The following DENND2C variants were observed in gnomAD, a reference collection of about 807,000 sequenced individuals.
The protein encoded by DENND2C is DENN domain containing 2C, also known as DENN domain-containing protein 2C.
DENND2C carries 72 observed loss-of-function variants against 112.4 expected under a neutral mutation model. The ratio of observed to expected loss-of-function variants is 0.64; its 90% confidence interval spans 0.53 to 0.78. The LOEUF (loss-of-function observed/expected upper bound fraction) is 0.78. DENND2C is among the 30% of genes least tolerant of loss of function. DENND2C has a pLI of 0.00. For synonymous variants in DENND2C, 329 were observed against 381.6 expected, an observed-to-expected ratio of 0.86 and a Z score of 1.61; for missense variants, 992 against 1,113.8, an observed-to-expected ratio of 0.89 and a Z score of 1.56.
intron 17 of DENND2C, 34 bp from the exon 18 acceptor site, chr1:114,594,612 G>A (rs748378985): frequency 1.3e-6 from 2 of 1,567,010 alleles, no homozygotes; most frequent in African/African-American, 2.7e-5. Flanking sequence ...ATTTTTCTTT[G>A]TTTGAGATTT....
intron 8 of DENND2C, among the ~76,000 whole-genome samples, chr1:114,615,871 C>T (rs1655952003): frequency 1.3e-5 from 2 of 151,952 alleles, no homozygotes; most frequent in Admixed American, 1.3e-4. Flanking sequence ...GTCAGAAGAT[C>T]GAGACCATCC....
chr1:114,652,483 A>G (rs1430187362), intron 2 of DENND2C, among the ~76,000 whole-genome samples: 1 of 151,958 alleles, frequency 6.6e-6, no homozygotes, highest in East Asian at 1.9e-4. Context: ...GTTAGGAAGC[A>G]ATCATTTTCT....
chr1:114,590,777 T>TTA (rs1655165915), intron 18 of DENND2C, among the ~76,000 whole-genome samples: 1 of 22,272 alleles, frequency 4.5e-5, no homozygotes, highest in Non-Finnish European at 9.9e-5. Flanking sequence ...AGACTCCGTC[T>TTA]CAAAAAAAAA....
rs1557935424 is a variant in DENND2C at position 114,585,301 on chromosome 1, AACT to A, written c.*296_*298del. 2.8e-6 allele frequency: 1 copy of A among 359,488 alleles called. No homozygotes were observed. Among genetic ancestry groups the A allele is most frequent in the Non-Finnish European group, 5.1e-6 (1 of 196,628 alleles). The allele number at this position is 359,488 out of a possible 1,614,324, so 22.3% of individuals were successfully genotyped here. A position where few individuals can be genotyped will look rare whatever the true frequency, so the allele number is the denominator to read the frequency against. On this transcript the variant is annotated 3_prime_UTR_variant, in exon 21 of 21. Coordinates refer to ENST00000393274, the MANE Select transcript of DENND2C (RefSeq NM_001256404.2). ...AACAAGGCTTTTCCTTGTGAAACAC[AACT>A]ACTTTCACAGACAAAGCACAAAACA...
Position 114,625,687 on chromosome 1 carries a change from G to A in DENND2C, c.298C>T (p.His100Tyr), listed in dbSNP as rs759034331. ...AAGAAGTGTGTATCGTCATATTCATGTTTCTTATTTTCATTCTCACTTTGA... is the reference window on the plus strand; with the variant it reads ...AAGAAGTGTGTATCGTCATATTCATATTTCTTATTTTCATTCTCACTTTGA... The part of the protein sequence containing the change: ...HDQSENENKK[H>Y]EYDDTHFFKN... Residue 100 changes from histidine to tyrosine, a missense_variant, in exon 4 of 21, where the codon CAT becomes TAT. Physicochemically the swap from His to Tyr is moderately conservative, Grantham distance 83. Around this residue, in one of 3 missense-constraint regions of DENND2C, gnomAD observed 470 missense variants for 472.7 expected, o/e 0.99. Transcript: ENST00000393274. The A allele has an allele frequency of 6.2e-7, 1 of 1,613,806 alleles. No homozygotes were observed. Among genetic ancestry groups the A allele is most frequent in the African/African-American group, 1.3e-5 (1 of 74,876 alleles).
rs746136824 is a variant in DENND2C at position 114,625,717 on chromosome 1, G to A, written c.268C>T (p.His90Tyr). ...GLDINENTKSHDQSENENKKH... is the reference protein window; with the variant it reads ...GLDINENTKSYDQSENENKKH... ...TTATTTTCATTCTCACTTTGATCATGGCTTTTGGTATTTTCATTTATATCT... is the reference window on the plus strand; with the variant it reads ...TTATTTTCATTCTCACTTTGATCATAGCTTTTGGTATTTTCATTTATATCT... Residue 90 changes from histidine to tyrosine, a missense_variant, in exon 4 of 21, where the codon CAT (histidine) becomes TAT (tyrosine). Physicochemically the swap from His to Tyr is moderately conservative, Grantham distance 83 (BLOSUM62 2). Around this residue, in one of 3 missense-constraint regions of DENND2C, gnomAD observed 470 missense variants for 472.7 expected, o/e 0.99. Transcript: ENST00000393274. The A allele has an allele frequency of 2.5e-5, 40 of 1,613,954 alleles. No homozygotes were observed. The highest frequency in any genetic ancestry group is 1.7e-4 in the Middle Eastern group (1 of 6,060).
At chr1:114,590,494 C>T (rs937364847) in intron 18 of DENND2C, among the ~76,000 whole-genome samples, 1 of 152,012 alleles carries the variant, frequency 6.6e-6, no homozygotes. Flanking sequence ...AATTATTGAA[C>T]TTGGCCGGGC....
At chr1:114,621,081 G>A (rs1308340202) in intron 7 of DENND2C, among the ~76,000 whole-genome samples, 1 of 152,146 alleles carries the variant, frequency 6.6e-6, no homozygotes, top group East Asian at 1.9e-4. Context: ...AAGTAACAGA[G>A]AAAGTTTAAA....
At chr1:114,588,155 C>T (rs1557936672) in intron 18 of DENND2C, among the ~76,000 whole-genome samples, 1 of 152,100 alleles carries the variant, frequency 6.6e-6, no homozygotes, top group Non-Finnish European at 1.5e-5. Flanking sequence ...CATTTTCTTC[C>T]CATACATACT....
At chr1:114,637,446 A>G (rs897795301) in intron 3 of DENND2C, among the ~76,000 whole-genome samples, 5 of 152,100 alleles carry the variant, frequency 3.3e-5, no homozygotes, top group African/African-American at 1.2e-4. Flanking sequence ...GAAAACCACA[A>G]GCTAATGTGG....
rs769702942 is a variant in DENND2C at position 114,608,671 on chromosome 1, C to T, written c.1557+15G>A. 1.4e-5 allele frequency: 23 copies of T among 1,611,140 alleles called. No individual in the cohort carries two copies. Among genetic ancestry groups the T allele is most frequent in the Non-Finnish European group, 8.5e-6 (10 of 1,178,552 alleles). ...AGGAACATTCCTGAATGCCTCTTGG[C>T]CTCCTTGTGCCTACCTTGCCAGGGA... On this transcript the variant is annotated intron_variant, in intron 10 of 20. Coordinates refer to ENST00000393274, the MANE Select transcript of DENND2C (RefSeq NM_001256404.2).
Position 114,601,600 on chromosome 1 carries a change from C to T in DENND2C, c.1738-15G>A, listed in dbSNP as rs1309253600. ...TTGCCTACTGGCTAAAAGATAAAAACAACAACAACAAAAAAATCAAGCCGC... is the reference window on the plus strand; with the variant it reads ...TTGCCTACTGGCTAAAAGATAAAAATAACAACAACAAAAAAATCAAGCCGC... On this transcript the variant is annotated splice_polypyrimidine_tract_variant and intron_variant, in intron 12 of 20. Transcript: ENST00000393274. 7 of 1,536,542 alleles carry T rather than the reference C, an allele frequency of 4.6e-6. No homozygotes were observed. Among genetic ancestry groups the T allele is most frequent in the Non-Finnish European group, 6.2e-6 (7 of 1,133,730 alleles).
chr1:114,610,798 CA>C (rs1655796005), intron 9 of DENND2C, among the ~76,000 whole-genome samples: 1 of 152,092 alleles, frequency 6.6e-6, no homozygotes, highest in South Asian at 2.1e-4. Flanking sequence ...TCTGGACATG[CA>C]GCTCTCTGCC....
chr1:114,666,465 C>CT (rs924806129), intron 1 of DENND2C, among the ~76,000 whole-genome samples: 12 of 150,808 alleles, frequency 8.0e-5, no homozygotes, highest in African/African-American at 2.4e-4. Context: ...TGAATCATAA[C>CT]TTTTTTTTTT....
At chr1:114,590,813 C>G (rs1048094533) in intron 18 of DENND2C, among the ~76,000 whole-genome samples, 2 of 150,076 alleles carry the variant, frequency 1.3e-5, no homozygotes, top group Non-Finnish European at 3.0e-5. Context: ...GAACTTGTTT[C>G]CTAGTGATCA....
chr1:114,602,231 C>T (rs776331709), intron 11 of DENND2C, 37 bp from the exon 12 acceptor site: 6 of 1,601,594 alleles, frequency 3.7e-6, no homozygotes, highest in East Asian at 4.5e-5. Context: ...AGGATCCAAA[C>T]AATTACTTAT....
chr1:114,607,787 A>T (rs1655697987), intron 10 of DENND2C, among the ~76,000 whole-genome samples: 1 of 152,248 alleles, frequency 6.6e-6, no homozygotes, highest in Non-Finnish European at 1.5e-5. Context: ...CCATTTATTG[A>T]GTACATACTA....
intron 20 of DENND2C, among the ~76,000 whole-genome samples, chr1:114,586,044 C>T (rs902957427): frequency 6.6e-6 from 1 of 152,148 alleles, no homozygotes; most frequent in Non-Finnish European, 1.5e-5. Context: ...CCTAATTTGT[C>T]CATGGTCTGT....
At position 114,662,710 on chromosome 1, in the gene DENND2C, C is replaced by T. The variant is rs540157564; in HGVS notation, c.-574+7273G>A. On this transcript the variant is annotated intron_variant, in intron 1 of 20. Transcript: ENST00000393274. The stretch of plus-strand genomic sequence containing the variant: ...AGGCATAATGGCTTCGTACCCCCAG[C>T]GCTTTGGGAGGCTGAGATGGGAGGA... 7.9e-5 allele frequency among the ~76,000 whole-genome samples: 12 copies of T among 152,278 alleles called. 1 individual carries two copies. In the South Asian group the frequency reaches 1.9e-3, roughly 24 times the overall value.
Sources: gnomAD v4.1 joint callset for allele counts (sites outside exome capture counted in the v4.1 genomes callset) on GRCh38, gnomAD v4.1.1 for gene constraint, gnomAD v4.1.1 regional missense constraint, MANE v1.5 for transcripts, NCBI Gene and HGNC (gene_info 2026-07-23, HGNC 2026-07-21) for gene names.